The following RYR2 variants were observed in gnomAD, a reference collection of about 807,000 sequenced individuals.
RYR2 encodes the protein cardiac muscle ryanodine receptor-calcium release channel.
A neutral mutation model predicts 601.1 loss-of-function variants in RYR2; 227 were observed. The ratio of observed to expected loss-of-function variants is 0.38; its 90% CI spans 0.34 to 0.42. RYR2 has a LOEUF of 0.42. Among genes scored for constraint, RYR2 ranks in the 10% least tolerant of loss-of-function variants. The pLI, the probability that RYR2 is intolerant of heterozygous loss-of-function variation, is 1.00. For missense variants in RYR2, 4,646 were observed against 6,156.5 expected, an observed-to-expected ratio of 0.75 and a Z score of 8.21; for synonymous variants, 2,223 against 2,175.1, an observed-to-expected ratio of 1.02 and a Z score of -0.61.
chr1:237,567,362 T>C (rs1415511279), intron 28 of RYR2, among the ~76,000 whole-genome samples: 1 of 140,338 alleles, frequency 7.1e-6, no homozygotes, highest in Non-Finnish European at 1.5e-5. Context: ...AGGGATCACT[T>C]GGGGCTAGGA....
intron 1 of RYR2, among the ~76,000 whole-genome samples, chr1:237,072,604 T>A (rs959436483): frequency 2.0e-5 from 3 of 152,154 alleles, no homozygotes; most frequent in Admixed American, 6.5e-5. Context: ...TAAAATGGAT[T>A]TGGAAACTCG....
At chr1:237,343,579 T>C (rs1411764082) in intron 3 of RYR2, among the ~76,000 whole-genome samples, 1 of 152,140 alleles carries the variant, frequency 6.6e-6, no homozygotes, top group African/African-American at 2.4e-5. Context: ...AGGTCAGCGA[T>C]TAAAAATAGT....
chr1:237,799,359 A>AAAT (rs1659674390), intron 97 of RYR2, among the ~76,000 whole-genome samples: 3 of 152,146 alleles, frequency 2.0e-5, no homozygotes, highest in Admixed American at 2.0e-4. Context: ...ATATAGAATT[A>AAAT]AATAGTTTTA....
chr1:237,242,917 T>A (rs1271691275), intron 1 of RYR2, among the ~76,000 whole-genome samples: 1 of 152,116 alleles, frequency 6.6e-6, no homozygotes, highest in African/African-American at 2.4e-5. Flanking sequence ...TGTTATTGAC[T>A]CACATAAGTG....
At chr1:237,195,868 C>T (rs937780887) in intron 1 of RYR2, among the ~76,000 whole-genome samples, 2 of 152,042 alleles carry the variant, frequency 1.3e-5, no homozygotes, top group African/African-American at 2.4e-5. Context: ...AGCACTCAAC[C>T]GACGTTAACA....
chr1:237,386,093 T>C (rs753187693), intron 8 of RYR2, among the ~76,000 whole-genome samples: 20 of 152,126 alleles, frequency 1.3e-4, no homozygotes, highest in Non-Finnish European at 2.2e-4. Flanking sequence ...AAGAAGAAAT[T>C]GTACAAAAGC....
intron 20 of RYR2, among the ~76,000 whole-genome samples, chr1:237,497,224 T>G (rs1664165283): frequency 2.0e-5 from 3 of 152,152 alleles, no homozygotes; most frequent in Admixed American, 2.0e-4. Flanking sequence ...TGGTGGGAAA[T>G]CAATAATTTG....
chr1:237,819,341 T>C lies in RYR2; in HGVS notation c.14590+149T>C. ...CTTCCAGTATTTCTTCATCATGCAA[T>C]CTACCGGGGGAAATATAAAGCGGTA... is the stretch of plus-strand genomic sequence containing the variant. On this transcript the variant is annotated intron_variant, in intron 101 of 104. Coordinates refer to ENST00000366574, the MANE Select transcript of RYR2 (RefSeq NM_001035.3). The surrounding 1 kb of genome is among the most constrained non-coding windows in gnomAD (Gnocchi z 4.0). 1 of 730,742 alleles carries C rather than the reference T, an allele frequency of 1.4e-6. No individual in the cohort carries two copies. Among genetic ancestry groups the C allele is most frequent in the South Asian group, 1.7e-5 (1 of 57,170 alleles). The allele number at this position is 730,742 out of a possible 1,614,324, so 45.3% of individuals were successfully genotyped here.
intron 3 of RYR2, among the ~76,000 whole-genome samples, chr1:237,355,329 TTTTG>T (rs1699205056): frequency 6.6e-6 from 1 of 152,148 alleles, no homozygotes; most frequent in Non-Finnish European, 1.5e-5. Flanking sequence ...CATATGGCTT[TTTTG>T]TTTGTTCTGT....
intron 6 of RYR2, among the ~76,000 whole-genome samples, chr1:237,372,330 A>T (rs546482529): frequency 2.0e-5 from 3 of 152,354 alleles, no homozygotes; most frequent in African/African-American, 7.2e-5. Context: ...TTCAATGCTC[A>T]TTCTTAATGA....
intron 2 of RYR2, among the ~76,000 whole-genome samples, chr1:237,321,308 A>AGT (rs1404902109): frequency 5.3e-5 from 8 of 152,186 alleles, no homozygotes; most frequent in Non-Finnish European, 8.8e-5. Context: ...ATTTCATGCT[A>AGT]GTACAATTCC....
chr1:237,312,556 T>G (rs929267791), intron 2 of RYR2, among the ~76,000 whole-genome samples: 2 of 152,218 alleles, frequency 1.3e-5, no homozygotes, highest in African/African-American at 2.4e-5. Context: ...TCTGGTAACC[T>G]TACCTTGGAG....
intron 1 of RYR2, among the ~76,000 whole-genome samples, chr1:237,222,635 AT>A (rs917951250): frequency 5.9e-5 from 9 of 152,046 alleles, no homozygotes; most frequent in African/African-American, 2.2e-4. Context: ...TTCAGTCTTT[AT>A]TTAAGGTTTT....
chr1:237,825,959 A>G (rs762443445), intron 101 of RYR2, among the ~76,000 whole-genome samples: 31 of 152,224 alleles, frequency 2.0e-4, no homozygotes, highest in Non-Finnish European at 3.8e-4. Context: ...TCAAAACCAC[A>G]GTGAGATACC....
chr1:237,702,151 C>T (rs551491310), intron 66 of RYR2, 92 bp downstream of exon 66: 2 of 756,910 alleles, frequency 2.6e-6, no homozygotes, highest in Non-Finnish European at 4.5e-6. Flanking sequence ...AACCTGTTTC[C>T]TAGTTATAAA....
chr1:237,722,096 T>C (rs907515131), intron 73 of RYR2, among the ~76,000 whole-genome samples: 4 of 152,162 alleles, frequency 2.6e-5, no homozygotes, highest in African/African-American at 7.2e-5. Context: ...TGTTGTAGAG[T>C]CCAAATATTT....
chr1:237,697,102 G>T (rs539984620), intron 63 of RYR2, among the ~76,000 whole-genome samples: 6 of 151,456 alleles, frequency 4.0e-5, no homozygotes, highest in African/African-American at 1.5e-4. Flanking sequence ...CTTTCCTCTT[G>T]CTCTGACTCC....
intron 26 of RYR2, among the ~76,000 whole-genome samples, chr1:237,549,016 T>A (rs1670107773): frequency 6.6e-6 from 1 of 152,178 alleles, no homozygotes; most frequent in African/African-American, 2.4e-5. Flanking sequence ...TGAGGATATA[T>A]TACATGTATA....
intron 1 of RYR2, among the ~76,000 whole-genome samples, chr1:237,266,963 T>A (rs1689131055): frequency 6.6e-6 from 1 of 152,218 alleles, no homozygotes; most frequent in South Asian, 2.1e-4. Context: ...TACCATGCAC[T>A]CCATCATACA....
Sources: gnomAD v4.1 joint callset for allele counts (sites outside exome capture counted in the v4.1 genomes callset) on GRCh38, gnomAD v4.1.1 for gene constraint, Gnocchi (gnomAD v3.1) non-coding constraint, MANE v1.5 for transcripts, NCBI Gene and HGNC (gene_info 2026-07-23, HGNC 2026-07-21) for gene names.